PTPRD: variants seen among roughly 807,000 people sequenced by gnomAD.
PTPRD encodes protein tyrosine phosphatase receptor type D, also known as receptor-type tyrosine-protein phosphatase delta.
Under a neutral mutation model 214.5 loss-of-function variants are expected in PTPRD, and 34 were observed. The ratio of observed to expected loss-of-function variants is 0.16; its 90% confidence interval spans 0.12 to 0.21. PTPRD has a LOEUF of 0.21. PTPRD is among the 10% of genes least tolerant of loss of function. The pLI is 1.00. For missense variants in PTPRD, 2,545 were observed against 2,398.7 expected (o/e 1.06, Z -1.27); for synonymous variants, 1,128 against 845.7 (o/e 1.33, Z -5.79).
intron 7 of PTPRD, among the ~76,000 whole-genome samples, chr9:9,684,165 T>TA (rs773763293): frequency 7.3e-5 from 11 of 150,914 alleles, no homozygotes; most frequent in East Asian, 2.0e-4. Context: ...CATGCTTGGT[T>TA]AAAAAAAAAG....
intron 6 of PTPRD, among the ~76,000 whole-genome samples, chr9:9,737,249 T>C (rs2098315210): frequency 6.6e-6 from 1 of 152,176 alleles, no homozygotes; most frequent in Non-Finnish European, 1.5e-5. Context: ...GAACAATTTG[T>C]CTATATTGTA....
intron 32 of PTPRD, among the ~76,000 whole-genome samples, chr9:8,462,214 T>C (rs533481535): frequency 6.6e-6 from 1 of 152,028 alleles, no homozygotes; most frequent in African/African-American, 2.4e-5. Context: ...AATTCTCTCA[T>C]CCTCTCAGTA....
At chr9:9,754,609 C>T (rs528415390) in intron 6 of PTPRD, among the ~76,000 whole-genome samples, 23 of 152,124 alleles carry the variant, frequency 1.5e-4, no homozygotes, top group Admixed American at 5.2e-4. Context: ...ATATTACATG[C>T]TATGTACTAA....
chr9:9,838,877 T>C (rs1382509093), intron 5 of PTPRD, among the ~76,000 whole-genome samples: 12 of 152,184 alleles, frequency 7.9e-5, no homozygotes. Flanking sequence ...CTAGGTTTTC[T>C]TCTAGGATTT....
At chr9:9,810,526 C>A (rs889031796) in intron 5 of PTPRD, among the ~76,000 whole-genome samples, 9 of 150,262 alleles carry the variant, frequency 6.0e-5, no homozygotes, top group African/African-American at 2.2e-4. Flanking sequence ...AGAAATAAAA[C>A]AACAAAGACT....
chr9:10,470,790 C>T (rs1438816272), intron 2 of PTPRD, among the ~76,000 whole-genome samples: 1 of 152,078 alleles, frequency 6.6e-6, no homozygotes, highest in Non-Finnish European at 1.5e-5. Context: ...TCTTTAGTAT[C>T]AGTTCTCAAA....
intron 14 of PTPRD, among the ~76,000 whole-genome samples, chr9:8,631,598 G>A (rs1013176117): frequency 6.6e-6 from 1 of 151,806 alleles, no homozygotes; most frequent in African/African-American, 2.4e-5. Context: ...ATTTGGTCCT[G>A]AGTATTGCAC....
chr9:9,551,133 C>T (rs2080122107), intron 8 of PTPRD, among the ~76,000 whole-genome samples: 1 of 151,770 alleles, frequency 6.6e-6, no homozygotes, highest in Non-Finnish European at 1.5e-5. Context: ...CTTATGTTCA[C>T]CCTAAACCTG....
At chr9:9,445,270 G>C (rs17768428) in intron 8 of PTPRD, among the ~76,000 whole-genome samples, 1 of 151,966 alleles carries the variant, frequency 6.6e-6, no homozygotes, top group Non-Finnish European at 1.5e-5. Flanking sequence ...TCTGTCCCAC[G>C]TTTATCCCTG....
At chr9:10,427,266 A>C (rs1767374765) in intron 2 of PTPRD, among the ~76,000 whole-genome samples, 1 of 152,098 alleles carries the variant, frequency 6.6e-6, no homozygotes, top group African/African-American at 2.4e-5. Flanking sequence ...AAAGATGTCT[A>C]GATATCTTCC....
chr9:10,495,330 T>C (rs1407344435), intron 2 of PTPRD, among the ~76,000 whole-genome samples: 4 of 151,836 alleles, frequency 2.6e-5, no homozygotes. Context: ...AAGGAAAGAC[T>C]GGAGCTTAAA....
chr9:9,532,460 C>T (rs2154265212), intron 8 of PTPRD, among the ~76,000 whole-genome samples: 1 of 152,238 alleles, frequency 6.6e-6, no homozygotes, highest in East Asian at 1.9e-4. Context: ...TGCAGGCTGG[C>T]TTTCAACATG....
rs574650738 is a variant in PTPRD, at chr9:9,674,933, A to G, written c.-287+59600T>C. Reference sequence around the variant, plus strand: ...AATGGTGAACAAAAAGACAAAAAAAAGTAGTTTAAGTATAGAAGGTTAGAA... The same window carrying G: ...AATGGTGAACAAAAAGACAAAAAAAGGTAGTTTAAGTATAGAAGGTTAGAA... On this transcript the variant is annotated intron_variant, in intron 7 of 45. Transcript: ENST00000381196. Among the ~76,000 whole-genome samples, 5 of 152,030 alleles carry G rather than the reference A, an allele frequency of 3.3e-5. No individual in the cohort carries two copies. The South Asian group carries it at 1.0e-3, about 31-fold the overall frequency.
chr9:8,351,702 T>C (rs1263485359), intron 39 of PTPRD, among the ~76,000 whole-genome samples: 2 of 119,580 alleles, frequency 1.7e-5, no homozygotes, highest in Non-Finnish European at 3.2e-5. Context: ...AGTAAGGGGA[T>C]ATAGGAGTCA....
chr9:10,279,686 T>G (rs77425431), intron 3 of PTPRD, among the ~76,000 whole-genome samples: 10,156 of 150,166 alleles, frequency 0.068, 788 homozygotes, highest in Admixed American at 0.17. Context: ...TATGCTAGCT[T>G]ATGAGCATAC....
intron 43 of PTPRD, among the ~76,000 whole-genome samples, chr9:8,335,064 G>A (rs1018363787): frequency 1.3e-5 from 2 of 152,024 alleles, no homozygotes; most frequent in African/African-American, 4.8e-5. Flanking sequence ...AATTCTACCA[G>A]AGGTACAAAG....
chr9:9,146,196 T>A (rs1044318815), intron 10 of PTPRD, among the ~76,000 whole-genome samples: 2 of 152,214 alleles, frequency 1.3e-5, no homozygotes, highest in African/African-American at 2.4e-5. Context: ...TGATTTAGAT[T>A]GTTTATTCGT....
At chr9:8,557,803 CACACATAT>C (rs2084564367) in intron 14 of PTPRD, among the ~76,000 whole-genome samples, 2 of 138,812 alleles carry the variant, frequency 1.4e-5, no homozygotes, top group African/African-American at 5.6e-5. Flanking sequence ...CACACACACA[CACACATAT>C]ATACACACAC....
chr9:8,942,097 C>T (rs532800874), intron 11 of PTPRD, among the ~76,000 whole-genome samples: 38 of 152,270 alleles, frequency 2.5e-4, no homozygotes, highest in African/African-American at 6.3e-4. Context: ...TGAGCCACTG[C>T]GCCTGGCCTA....
Sources: allele counts gnomAD v4.1 joint callset (sites outside exome capture counted in the v4.1 genomes callset), GRCh38; gene constraint gnomAD v4.1.1; transcripts MANE v1.5; gene names NCBI Gene and HGNC (gene_info 2026-07-23, HGNC 2026-07-21).